Variants in SPINK13 observed in about 807,000 individuals in gnomAD.
The protein encoded by SPINK13 is serine protease inhibitor Kazal-type 13.
SPINK13 carries 11 observed loss-of-function variants against 11.0 expected under a neutral mutation model. The observed-to-expected ratio is 1.00, with a 90% confidence interval of 0.63 to 1.65. The LOEUF is 1.65. Among genes scored for constraint, SPINK13 ranks in the 40% most tolerant of loss-of-function variants. The pLI, the probability that SPINK13 is intolerant of heterozygous loss-of-function variation, is 0.00. For missense variants in SPINK13, 113 were observed against 117.7 expected (o/e 0.96, Z 0.19); for synonymous variants, 31 against 35.6 (o/e 0.87, Z 0.46).
At chr5:148,285,230 A>G (rs1420579251) in intron 4 of SPINK13, among the ~76,000 whole-genome samples, 2 of 152,128 alleles carry the variant, frequency 1.3e-5, no homozygotes, top group Non-Finnish European at 2.9e-5. Flanking sequence ...TCACTTACTT[A>G]TATTACCCAC....
At chr5:148,280,198 G>A (rs544113535) in intron 3 of SPINK13, among the ~76,000 whole-genome samples, 2 of 152,158 alleles carry the variant, frequency 1.3e-5, no homozygotes, top group African/African-American at 4.8e-5. Flanking sequence ...CTTTTATCAA[G>A]GTTCTTAGCT....
intron 4 of SPINK13, 105 bp downstream of exon 4, chr5:148,282,336 A>T (rs1026294960): frequency 2.2e-4 from 297 of 1,364,660 alleles, no homozygotes; most frequent in East Asian, 6.7e-4. Flanking sequence ...TACTTTTTTT[A>T]AAAAAATAGC....
At chr5:148,276,911 T>C (rs1756438215) in intron 3 of SPINK13, among the ~76,000 whole-genome samples, 1 of 152,250 alleles carries the variant, frequency 6.6e-6, no homozygotes, top group African/African-American at 2.4e-5. Context: ...TCCATGAGTA[T>C]GGGATGTTTT....
chr5:148,281,637 G>A (rs186563530), intron 3 of SPINK13, among the ~76,000 whole-genome samples: 10 of 152,314 alleles, frequency 6.6e-5, no homozygotes, highest in African/African-American at 2.2e-4. Flanking sequence ...CAGTTCCAGT[G>A]AGATAAGTCA....
At chr5:148,271,183 T>C (rs1281105025) in intron 2 of SPINK13, among the ~76,000 whole-genome samples, 4 of 152,228 alleles carry the variant, frequency 2.6e-5, no homozygotes, top group Non-Finnish European at 1.5e-5. Flanking sequence ...AGTAAATGAA[T>C]GTTTAAAAAT....
At chr5:148,283,298 AGT>A (rs977418234) in intron 4 of SPINK13, among the ~76,000 whole-genome samples, 1 of 152,170 alleles carries the variant, frequency 6.6e-6, no homozygotes, top group Non-Finnish European at 1.5e-5. Flanking sequence ...ACTGATATGG[AGT>A]GCTCCAGGAC....
At chr5:148,276,151 T>C (rs958436713) in intron 3 of SPINK13, among the ~76,000 whole-genome samples, 22 of 152,360 alleles carry the variant, frequency 1.4e-4, no homozygotes, top group African/African-American at 4.8e-4. Context: ...GGTTGTTTTT[T>C]TCTTATAAAT....
At chr5:148,279,091 C>CTTTTTTTTTTTTT (rs746029113) in intron 3 of SPINK13, among the ~76,000 whole-genome samples, 20 of 51,684 alleles carry the variant, frequency 3.9e-4, no homozygotes, top group African/African-American at 7.2e-4. Context: ...GCAACCCCTG[C>CTTTTTTTTTTTTT]TTTTTTTTTT....
intron 2 of SPINK13, among the ~76,000 whole-genome samples, chr5:148,271,717 C>G (rs1191177430): frequency 2.0e-5 from 3 of 152,164 alleles, no homozygotes; most frequent in Non-Finnish European, 4.4e-5. Context: ...CTCCGCCTCC[C>G]GGATTCACGC....
chr5:148,282,077 T>A (rs553537329), intron 3 of SPINK13, 27 bp from the exon 4 acceptor site: 1 of 1,611,890 alleles, frequency 6.2e-7, no homozygotes, highest in Admixed American at 1.7e-5. Context: ...GTATTATTTG[T>A]CACTTTATGG....
At chr5:148,272,836 CA>C (rs1341980069) in intron 2 of SPINK13, among the ~76,000 whole-genome samples, 2 of 152,124 alleles carry the variant, frequency 1.3e-5, no homozygotes, top group East Asian at 3.8e-4. Flanking sequence ...ATTCTAAAGA[CA>C]AAAAAGTCAT....
chr5:148,269,397 G>GT lies in SPINK13; in HGVS notation c.-34+518dup, dbSNP rs200316981. ...CAAGGTCATATGTCATATGTTTTTT[G>GT]TTTTTTTTTCTGATTCTTGCATCAG... On this transcript the variant is annotated intron_variant, in intron 1 of 4. Transcript: ENST00000398450. Among the ~76,000 whole-genome samples, 482 of 149,170 alleles carry GT rather than the reference G, an allele frequency of 3.2e-3. 5 individuals are homozygous for GT. Among genetic ancestry groups the GT allele is most frequent in the Non-Finnish European group, 3.7e-3 (251 of 67,034 alleles).
In SPINK13 at chr5:148,280,350, G is replaced by A. The variant is rs143984070; in HGVS notation, c.109-1754G>A. ...TGCTGCCAAGGAGTTGTGATCCTTT[G>A]GAGGAGAAGAGGCTTTCTGAGCTTT... On this transcript the variant is annotated intron_variant, in intron 3 of 4. Transcript: ENST00000398450. Among the ~76,000 whole-genome samples the A allele has an allele frequency of 1.9e-3, 285 of 152,200 alleles. 1 individual carries two copies. Among genetic ancestry groups the A allele is most frequent in the African/African-American group, 6.6e-3 (273 of 41,540 alleles).
At chr5:148,279,967 G>A (rs1756488737) in intron 3 of SPINK13, among the ~76,000 whole-genome samples, 1 of 152,122 alleles carries the variant, frequency 6.6e-6, no homozygotes, top group East Asian at 1.9e-4. Flanking sequence ...ATTTCTTGGA[G>A]GCTTTGTTCA....
At chr5:148,272,453 GT>G (rs1263814937) in intron 2 of SPINK13, among the ~76,000 whole-genome samples, 1 of 152,102 alleles carries the variant, frequency 6.6e-6, no homozygotes, top group Non-Finnish European at 1.5e-5. Flanking sequence ...AAGCCCAATT[GT>G]TTTAGTATGG....
rs750773581 is a variant in SPINK13, at chr5:148,286,069, C to T, written c.*21C>T. 6.6e-6 allele frequency: 9 copies of T among 1,371,880 alleles called. No individual in the cohort carries two copies. The African/African-American group carries it at 1.1e-4, about 16-fold the overall frequency. 85.0% of individuals were successfully genotyped at this position (1,371,880 alleles called of 1,614,324 possible). On this transcript the variant is annotated 3_prime_UTR_variant, in exon 5 of 5. Transcript: ENST00000398450. ...ATTAATGGGTACCAGAGTAACTACA[C>T]TTGCTTATTCTTTTTCTACTTAATT... is the stretch of plus-strand genomic sequence containing the variant.
chr5:148,277,214 A>G (rs2113368876), intron 3 of SPINK13, among the ~76,000 whole-genome samples: 1 of 152,338 alleles, frequency 6.6e-6, no homozygotes, highest in Admixed American at 6.5e-5. Context: ...TGATCACGTC[A>G]TCTGCAAACA....
rs544390473 is a variant in SPINK13 at position 148,279,623 on chromosome 5, C to G, written c.109-2481C>G. 2.2e-4 allele frequency among the ~76,000 whole-genome samples: 33 copies of G among 152,274 alleles called. No individual in the cohort carries two copies. In the East Asian group the frequency reaches 6.4e-3, roughly 29 times the overall value. ...AACATTGGCCCCCACTCTCTTCTGG[C>G]TTGTAGAGTTTCTGCAGAGAGATCC... On this transcript the variant is annotated intron_variant, in intron 3 of 4. Coordinates refer to ENST00000398450, the MANE Select transcript of SPINK13 (RefSeq NM_001040129.3).
intron 3 of SPINK13, among the ~76,000 whole-genome samples, chr5:148,275,362 AT>A (rs1164909216): frequency 5.3e-5 from 8 of 152,064 alleles, no homozygotes. Context: ...TATGTGCCAC[AT>A]TTTTTTATCC....
Sources: gnomAD v4.1 joint callset for allele counts (sites outside exome capture counted in the v4.1 genomes callset) on GRCh38, gnomAD v4.1.1 for gene constraint, MANE v1.5 for transcripts, NCBI Gene and HGNC (gene_info 2026-07-23, HGNC 2026-07-21) for gene names.